Variants in PCDHA1 observed in about 807,000 individuals in gnomAD.
PCDHA1 encodes protocadherin alpha 1, also known as protocadherin alpha-1.
PCDHA1 carries 42 observed loss-of-function variants against 61.3 expected under a neutral mutation model. That is an observed-to-expected ratio of 0.69 (90% CI 0.54 to 0.89). The LOEUF (loss-of-function observed/expected upper bound fraction) is 0.89. PCDHA1 is among the 40% of genes least tolerant of loss of function. PCDHA1 has a pLI of 0.00. For synonymous variants in PCDHA1, 610 were observed against 553.8 expected (o/e 1.10, Z -1.43); for missense variants, 1,256 against 1,235.3 (o/e 1.02, Z -0.25).
intron 3 of PCDHA1, among the ~76,000 whole-genome samples, chr5:141,002,329 A>C (rs2098072323): frequency 6.6e-6 from 1 of 152,226 alleles, no homozygotes; most frequent in Non-Finnish European, 1.5e-5. Context: ...GCCGGGCTGC[A>C]TCCGCACCCC....
At chr5:140,958,503 C>T (rs1426161443) in intron 1 of PCDHA1, among the ~76,000 whole-genome samples, 1 of 152,118 alleles carries the variant, frequency 6.6e-6, no homozygotes, top group Non-Finnish European at 1.5e-5. Context: ...TCCTAGGAGG[C>T]ATGGCTGTCC....
At chr5:140,956,953 CTG>C (rs1217178036) in intron 1 of PCDHA1, among the ~76,000 whole-genome samples, 2 of 135,202 alleles carry the variant, frequency 1.5e-5, no homozygotes, top group African/African-American at 2.6e-5. Flanking sequence ...CATTAAAACA[CTG>C]TAATTAATCA....
intron 1 of PCDHA1, chr5:140,869,245 A>G: frequency 1.2e-6 from 2 of 1,613,628 alleles, no homozygotes; most frequent in Non-Finnish European, 1.7e-6. Context: ...CGTGGGCCGC[A>G]TCGCGCAGGA....
In PCDHA1 at chr5:140,960,243, G is replaced by A. The variant is rs531821446; in HGVS notation, c.2395-18706G>A. On this transcript the variant is annotated intron_variant, in intron 1 of 3. Coordinates refer to ENST00000504120, the MANE Select transcript of PCDHA1 (RefSeq NM_018900.4). The stretch of plus-strand genomic sequence containing the variant: ...AGAAACAGAGCCATGGTAAAAAGAA[G>A]CTTCCTGGAGCTTCTGATAAATTCC... 3.9e-5 allele frequency among the ~76,000 whole-genome samples: 6 copies of A among 152,270 alleles called. No individual in the cohort carries two copies. The East Asian group carries it at 1.2e-3, about 29-fold the overall frequency.
At chr5:140,952,125 AG>A (rs1234128402) in intron 1 of PCDHA1, among the ~76,000 whole-genome samples, 1 of 152,092 alleles carries the variant, frequency 6.6e-6, no homozygotes, top group Non-Finnish European at 1.5e-5. Context: ...TGGGCTCCCA[AG>A]GCCTTGGGAA....
chr5:140,854,159 CAAAA>C (rs59855104), intron 1 of PCDHA1: 81 of 341,326 alleles, frequency 2.4e-4, no homozygotes, highest in Middle Eastern at 1.4e-3. Flanking sequence ...GATTCTGTCT[CAAAA>C]AAAAAAAAAA....
rs782074950 is a variant in PCDHA1, at chr5:140,851,878, A to G, written c.2394+63194A>G. On this transcript the variant is annotated intron_variant, in intron 1 of 3. Transcript: ENST00000504120. ...AGCTCATACATAACACAAGGCAGAA[A>G]TCTGGATATGAGATTTGCCTCTTTA... is the stretch of plus-strand genomic sequence containing the variant. 6.1e-6 allele frequency: 6 copies of G among 977,806 alleles called. 1 individual carries two copies. The highest frequency in any genetic ancestry group is 7.4e-6 in the Non-Finnish European group (6 of 810,298). The allele number at this position is 977,806 out of a possible 1,614,324, so 60.6% of individuals were successfully genotyped here.
At chr5:140,835,792 C>T in intron 1 of PCDHA1, 6 of 1,613,122 alleles carry the variant, frequency 3.7e-6, no homozygotes, top group African/African-American at 1.3e-5. Context: ...AACAACCCGC[C>T]GGGCTGCCAC....
chr5:140,965,174 C>CT (rs1213439654), intron 1 of PCDHA1, among the ~76,000 whole-genome samples: 4 of 152,228 alleles, frequency 2.6e-5, no homozygotes, highest in Non-Finnish European at 2.9e-5. Flanking sequence ...TTAGTGAGTG[C>CT]TTTTTTTGCA....
Position 140,787,288 on chromosome 5 carries a change from A to C in PCDHA1, c.998A>C (p.His333Pro). ...AAAGGAAGTCCTCCGATGTCAAATC[A>C]CTGTAAGGTTTTGGTGAAAGTGCTG... Reference protein sequence around the residue: ...VDKGSPPMSNHCKVLVKVLDV... With the variant: ...VDKGSPPMSNPCKVLVKVLDV... The change falls in exon 1 of 4, where the codon CAC (histidine) becomes CCC (proline). Residue 333 changes from histidine (H) to proline (P), a missense_variant. Coordinates refer to ENST00000504120, the MANE Select transcript of PCDHA1 (RefSeq NM_018900.4). The C allele has an allele frequency of 1.9e-6, 3 of 1,614,208 alleles. No individual in the cohort carries two copies. The highest frequency in any genetic ancestry group is 8.5e-7 in the Non-Finnish European group (1 of 1,180,024).
At chr5:140,904,314 T>C (rs1554191432) in intron 1 of PCDHA1, among the ~76,000 whole-genome samples, 1 of 152,080 alleles carries the variant, frequency 6.6e-6, no homozygotes, top group Admixed American at 6.6e-5. Flanking sequence ...TTTCTTCACT[T>C]AGAATAATGG....
At chr5:140,870,876 GA>G (rs34601225) in intron 1 of PCDHA1, 1 of 1,613,958 alleles carries the variant, frequency 6.2e-7, no homozygotes, top group Non-Finnish European at 8.5e-7. Flanking sequence ...ACGTGGTGGC[GA>G]AGGTGCGCGC....
At chr5:140,978,397 C>G (rs2096799745) in intron 1 of PCDHA1, among the ~76,000 whole-genome samples, 1 of 152,080 alleles carries the variant, frequency 6.6e-6, no homozygotes, top group Non-Finnish European at 1.5e-5. Flanking sequence ...CCCTAGTATC[C>G]CTCTTCAATC....
intron 1 of PCDHA1, among the ~76,000 whole-genome samples, chr5:140,878,693 C>T (rs932928385): frequency 6.6e-6 from 1 of 152,136 alleles, no homozygotes; most frequent in South Asian, 2.1e-4. Context: ...TCTTACATAC[C>T]CCAGCCTGGT....
chr5:140,788,683 A>G lies in PCDHA1; in HGVS notation c.2393A>G (p.Asn798Ser). 6.5e-7 allele frequency: 1 copy of G among 1,547,126 alleles called. No individual in the cohort carries two copies. Among genetic ancestry groups the G allele is most frequent in the Non-Finnish European group, 8.7e-7 (1 of 1,146,802 alleles). Residue 798 changes from asparagine to serine, a missense_variant and splice_region_variant, in exon 1 of 4, where the codon AAT (asparagine) becomes AGT (serine). Coordinates refer to ENST00000504120, the MANE Select transcript of PCDHA1 (RefSeq NM_018900.4). ...QPEANLDLSG[N>S]PRQPNPDWRY... ...GAAGCAAATTTGGATCTTTCTGGTA[A>G]TGTAAGTCCAACTTTCGAGTTTTGG...
rs147252917 is a variant in PCDHA1 at position 140,835,512 on chromosome 5, C to T, written c.2394+46828C>T. On this transcript the variant is annotated intron_variant, in intron 1 of 3. Coordinates refer to ENST00000504120, the MANE Select transcript of PCDHA1 (RefSeq NM_018900.4). ...CATCACATTGATTAGCGTGTTTGAC[C>T]GAGATTTTGGAGTCAACGGACAGGT... 259 of 1,613,798 alleles carry T rather than the reference C, an allele frequency of 1.6e-4. 5 individuals carry two copies. Among genetic ancestry groups the T allele is most frequent in the Non-Finnish European group, 2.1e-4 (250 of 1,179,884 alleles).
intron 1 of PCDHA1, chr5:140,967,281 C>G: frequency 2.5e-6 from 4 of 1,613,102 alleles, no homozygotes; most frequent in Non-Finnish European, 3.4e-6. Flanking sequence ...ATAGAGAGTG[C>G]GCAGGACCCC....
intron 1 of PCDHA1, chr5:140,870,941 C>T: frequency 6.2e-7 from 1 of 1,613,712 alleles, no homozygotes; most frequent in Non-Finnish European, 8.5e-7. Context: ...TTGCAGCCGG[C>T]GGCGGGCGGC....
At chr5:140,855,737 C>A (rs1168168277) in intron 1 of PCDHA1, 12 of 304,242 alleles carry the variant, frequency 3.9e-5, no homozygotes, top group Non-Finnish European at 6.7e-5. Context: ...TATAAAGAGA[C>A]GTAATGTGAG....
Sources: allele counts gnomAD v4.1 joint callset (sites outside exome capture counted in the v4.1 genomes callset), GRCh38; gene constraint gnomAD v4.1.1; transcripts MANE v1.5; gene names NCBI Gene and HGNC (gene_info 2026-07-23, HGNC 2026-07-21).